CRACR2A: variants seen among roughly 807,000 people sequenced by gnomAD.
CRACR2A encodes calcium release activated channel regulator 2A.
CRACR2A carries 79 observed loss-of-function variants against 90.5 expected under a neutral mutation model. The observed-to-expected ratio is 0.87, with a 90% CI of 0.73 to 1.05. The LOEUF (loss-of-function observed/expected upper bound fraction) is 1.05. CRACR2A is among the 50% of genes least tolerant of loss of function. CRACR2A has a pLI of 0.00. For synonymous variants in CRACR2A, 338 were observed against 356.7 expected (o/e 0.95, Z 0.59); for missense variants, 823 against 897.2 (o/e 0.92, Z 1.06).
intron 13 of CRACR2A, chr12:3,640,821 G>A (rs1465384722): frequency 7.7e-7 from 1 of 1,303,522 alleles, no homozygotes; most frequent in South Asian, 1.2e-5. Context: ...AGTGGGCAGG[G>A]GACTGGTTTG....
At chr12:3,741,042 T>C (rs561478383) in intron 1 of CRACR2A, among the ~76,000 whole-genome samples, 2 of 152,268 alleles carry the variant, frequency 1.3e-5, no homozygotes, top group South Asian at 4.1e-4. Flanking sequence ...TCTACATCCC[T>C]AGGCAAATAT....
At chr12:3,734,854 AG>A (rs2137873336) in intron 1 of CRACR2A, among the ~76,000 whole-genome samples, 1 of 152,240 alleles carries the variant, frequency 6.6e-6, no homozygotes, top group African/African-American at 2.4e-5. Context: ...GGTGGTTGCA[AG>A]GGGCTGTAGG....
At chr12:3,651,283 G>T (rs999449833) in intron 10 of CRACR2A, among the ~76,000 whole-genome samples, 1 of 152,198 alleles carries the variant, frequency 6.6e-6, no homozygotes, top group Admixed American at 6.5e-5. Context: ...GTATGCATGC[G>T]TGTGCACGTG....
intron 17 of CRACR2A, among the ~76,000 whole-genome samples, chr12:3,622,718 C>T (rs1944171449): frequency 6.6e-6 from 1 of 152,068 alleles, no homozygotes; most frequent in South Asian, 2.1e-4. Flanking sequence ...TGCTATTTCT[C>T]TGGAGCTAGA....
chr12:3,630,197 C>T (rs966749675), intron 15 of CRACR2A, among the ~76,000 whole-genome samples: 2 of 152,162 alleles, frequency 1.3e-5, no homozygotes, highest in South Asian at 2.1e-4. Context: ...ACCCTCACAT[C>T]GAGGTGACCC....
chr12:3,645,847 A>G (rs974824674), intron 11 of CRACR2A, among the ~76,000 whole-genome samples: 4 of 152,354 alleles, frequency 2.6e-5, no homozygotes, highest in Middle Eastern at 3.4e-3. Context: ...AAGAGTTGTT[A>G]GACAAGAAAC....
At chr12:3,629,943 G>C (rs139878213) in intron 15 of CRACR2A, among the ~76,000 whole-genome samples, 1 of 152,114 alleles carries the variant, frequency 6.6e-6, no homozygotes, top group African/African-American at 2.4e-5. Flanking sequence ...GGGGACCAGA[G>C]GGCCTGGATG....
At chr12:3,663,601 C>T (rs1427317315) in intron 7 of CRACR2A, among the ~76,000 whole-genome samples, 1 of 152,202 alleles carries the variant, frequency 6.6e-6, no homozygotes, top group African/African-American at 2.4e-5. Context: ...TTTTACAAAT[C>T]CCTTTACAAT....
chr12:3,698,161 G>A (rs1302290840), intron 3 of CRACR2A, among the ~76,000 whole-genome samples: 1 of 152,142 alleles, frequency 6.6e-6, no homozygotes, highest in African/African-American at 2.4e-5. Context: ...GGGATAAAAG[G>A]AAATAATAAC....
At chr12:3,718,226 T>C (rs1327462949) in intron 2 of CRACR2A, among the ~76,000 whole-genome samples, 3 of 152,246 alleles carry the variant, frequency 2.0e-5, no homozygotes, top group Non-Finnish European at 4.4e-5. Flanking sequence ...ATAGGGAAGA[T>C]AGTACAGTGT....
intron 4 of CRACR2A, among the ~76,000 whole-genome samples, chr12:3,684,683 C>T (rs575678554): frequency 6.6e-6 from 1 of 152,322 alleles, no homozygotes; most frequent in Non-Finnish European, 1.5e-5. Flanking sequence ...CACTTGTTAT[C>T]ACAGCCATGT....
rs1241908248 is a variant in CRACR2A, at chr12:3,633,099, C to T, written c.1735+505G>A. ...CAGCTGTCGCCCAGCAGGCTGGGGA[C>T]TTAGGACAGATACAATGCGATGGGT... On this transcript the variant is annotated intron_variant, in intron 15 of 19. Coordinates refer to ENST00000440314, the MANE Select transcript of CRACR2A (RefSeq NM_001144958.2). The surrounding 1 kb of genome is among the most constrained non-coding windows in gnomAD (Gnocchi z 4.5). 1.3e-5 allele frequency among the ~76,000 whole-genome samples: 2 copies of T among 152,100 alleles called. No homozygotes were observed. Among genetic ancestry groups the T allele is most frequent in the African/African-American group, 4.8e-5 (2 of 41,412 alleles).
In CRACR2A at chr12:3,688,306, G is replaced by T. The variant is rs571551099; in HGVS notation, c.229-7957C>A. Among the ~76,000 whole-genome samples, 4 of 152,210 alleles carry T rather than the reference G, an allele frequency of 2.6e-5. No homozygotes were observed. In the South Asian group the frequency reaches 6.2e-4, roughly 24 times the overall value. ...TGTATTGCCTAAGTTGTCTTCCAGG[G>T]TTTTTATAGTTTTGGGCTTTACATT... is the stretch of plus-strand genomic sequence containing the variant. On this transcript the variant is annotated intron_variant, in intron 4 of 19. Transcript: ENST00000440314.
rs1254541335 is a variant in CRACR2A at position 3,643,830 on chromosome 12, A to AT, written c.1164+764_1164+765insA. Reference sequence around the variant, plus strand: ...TTATATATATATTTATATTATATATAAATATATATAATATATATTATATAT... The same window carrying AT: ...TTATATATATATTTATATTATATATATAATATATATAATATATATTATATAT... On this transcript the variant is annotated intron_variant, in intron 12 of 19. Transcript: ENST00000440314. Among the ~76,000 whole-genome samples, 101 of 91,934 alleles carry AT rather than the reference A, an allele frequency of 1.1e-3. 1 individual carries two copies. The East Asian group carries it at 0.039, about 36-fold the overall frequency. The allele number at this position is 91,934 out of a possible 152,430, so 60.3% of individuals were successfully genotyped here.
chr12:3,744,606 C>T (rs1371128834), intron 1 of CRACR2A, among the ~76,000 whole-genome samples: 1 of 152,160 alleles, frequency 6.6e-6, no homozygotes, highest in Non-Finnish European at 1.5e-5. Context: ...GAGAAATATG[C>T]AAGGTTCTGT....
chr12:3,658,566 G>A (rs952433068), intron 8 of CRACR2A, among the ~76,000 whole-genome samples: 2 of 152,124 alleles, frequency 1.3e-5, no homozygotes, highest in African/African-American at 2.4e-5. Context: ...GCTAATTGGA[G>A]GACACGACCA....
intron 3 of CRACR2A, among the ~76,000 whole-genome samples, chr12:3,702,367 T>C (rs909139542): frequency 1.3e-5 from 2 of 152,146 alleles, no homozygotes; most frequent in Non-Finnish European, 2.9e-5. Flanking sequence ...TAAATTGTCT[T>C]TATTCCCAGA....
chr12:3,716,942 C>G (rs1946091860), intron 2 of CRACR2A, among the ~76,000 whole-genome samples: 1 of 152,036 alleles, frequency 6.6e-6, no homozygotes, highest in South Asian at 2.1e-4. Context: ...TAATAATATG[C>G]ATTTTCCATG....
chr12:3,739,664 G>A (rs1046848291), intron 1 of CRACR2A, among the ~76,000 whole-genome samples: 10 of 152,062 alleles, frequency 6.6e-5, no homozygotes, highest in Admixed American at 4.6e-4. Context: ...GGCTGAGCAC[G>A]GTGGCTCATG....
Sources: gnomAD v4.1 joint callset for allele counts (sites outside exome capture counted in the v4.1 genomes callset) on GRCh38, gnomAD v4.1.1 for gene constraint, Gnocchi (gnomAD v3.1) non-coding constraint, MANE v1.5 for transcripts, NCBI Gene and HGNC (gene_info 2026-07-23, HGNC 2026-07-21) for gene names.